CCDC85C: variants seen among roughly 807,000 people sequenced by gnomAD.
CCDC85C encodes the protein coiled-coil domain-containing protein 85C.
A neutral mutation model predicts 38.3 loss-of-function variants in CCDC85C; 18 were observed. The observed-to-expected ratio is 0.47, with a 90% CI of 0.33 to 0.70. The LOEUF (loss-of-function observed/expected upper bound fraction) is 0.70. Among genes scored for constraint, CCDC85C ranks in the 30% least tolerant of loss-of-function variants. The pLI is 0.03. For synonymous variants in CCDC85C, 264 were observed against 293.8 expected (o/e 0.90, Z 1.04); for missense variants, 566 against 621.2 (o/e 0.91, Z 0.94).
At chr14:99,528,691 C>T (rs1897436324) in intron 2 of CCDC85C, among the ~76,000 whole-genome samples, 1 of 152,234 alleles carries the variant, frequency 6.6e-6, no homozygotes, top group Non-Finnish European at 1.5e-5. Context: ...CCCTATCTGG[C>T]CCCCTGTTCT....
chr14:99,515,435 CAG>C lies in CCDC85C; in HGVS notation c.1171-102_1171-101del, dbSNP rs1188254350. ...ATCACGGCAGAATCACCCACGTCCT[CAG>C]AGCCATGGGGCCAGGAGGGACACGG... On this transcript the variant is annotated intron_variant, in intron 5 of 5. Coordinates refer to ENST00000380243, the MANE Select transcript of CCDC85C (RefSeq NM_001144995.2). 1.4e-5 allele frequency: 12 copies of C among 841,172 alleles called. No homozygotes were observed. In the Admixed American group the frequency reaches 2.4e-4, roughly 17 times the overall value. The allele number at this position is 841,172 out of a possible 1,614,324, so 52.1% of individuals were successfully genotyped here.
chr14:99,563,426 C>T (rs574347201), intron 1 of CCDC85C, among the ~76,000 whole-genome samples: 1 of 152,402 alleles, frequency 6.6e-6, no homozygotes, highest in South Asian at 2.1e-4. Flanking sequence ...GCCCAAGCCA[C>T]GCCCCCCTCA....
intron 1 of CCDC85C, among the ~76,000 whole-genome samples, chr14:99,573,869 C>T (rs991159039): frequency 6.6e-6 from 1 of 152,192 alleles, no homozygotes; most frequent in Non-Finnish European, 1.5e-5. Flanking sequence ...TCTGGGCCGC[C>T]GAGCACTCCA....
At chr14:99,583,196 A>G (rs2054991978) in intron 1 of CCDC85C, 1 of 152,246 alleles carries the variant, frequency 6.6e-6, no homozygotes, top group African/African-American at 2.4e-5. Flanking sequence ...TCTAAAAAAC[A>G]AAGTTTATTT....
intron 1 of CCDC85C, among the ~76,000 whole-genome samples, chr14:99,580,820 G>A (rs1318705115): frequency 1.3e-5 from 2 of 152,098 alleles, no homozygotes; most frequent in African/African-American, 4.8e-5. Flanking sequence ...AGCCAAGATC[G>A]CGCGACTGCA....
intron 1 of CCDC85C, among the ~76,000 whole-genome samples, chr14:99,554,727 G>A (rs1349193430): frequency 3.9e-5 from 6 of 152,322 alleles, no homozygotes; most frequent in East Asian, 1.9e-4. Context: ...AAAAGCCAAC[G>A]GGCATGCCTG....
chr14:99,532,936 C>A (rs904267433), intron 2 of CCDC85C, among the ~76,000 whole-genome samples: 4 of 152,082 alleles, frequency 2.6e-5, no homozygotes, highest in African/African-American at 9.7e-5. Context: ...CACGTGCCAC[C>A]CTGCAAGGCT....
chr14:99,580,334 G>A (rs960039744), intron 1 of CCDC85C, among the ~76,000 whole-genome samples: 19 of 151,570 alleles, frequency 1.3e-4, no homozygotes, highest in African/African-American at 4.1e-4. Flanking sequence ...CCAGACAGAA[G>A]AGCACACCTC....
In CCDC85C at chr14:99,520,729, C is replaced by A. The variant is rs1486306985; in HGVS notation, c.975+1404G>T. On this transcript the variant is annotated intron_variant, in intron 3 of 5. Transcript: ENST00000380243. The surrounding 1 kb of genome is among the most constrained non-coding windows in gnomAD (Gnocchi z 4.1). ...CTGACCTCTAGGCACACACAGGCAC[C>A]AGGACGCACTCACCATGGGGCCCTG... Among the ~76,000 whole-genome samples the A allele has an allele frequency of 6.6e-6, 1 of 152,198 alleles. No homozygotes were observed. The highest frequency in any genetic ancestry group is 1.5e-5 in the Non-Finnish European group (1 of 68,028).
intron 1 of CCDC85C, among the ~76,000 whole-genome samples, chr14:99,542,502 A>G (rs1351530236): frequency 2.6e-5 from 4 of 152,172 alleles, no homozygotes; most frequent in African/African-American, 4.8e-5. Context: ...GAGGCAGGTG[A>G]CCAGGCCCCC....
In CCDC85C at chr14:99,510,844, T is replaced by C. The variant is rs1897113445; in HGVS notation, c.*4402A>G. On this transcript the variant is annotated 3_prime_UTR_variant, in exon 6 of 6. Transcript: ENST00000380243. ...ATTTTCTAATCGACTTGCAGAGTAG[T>C]TGAAGTGGGTAAGCAGCAGGGTACC... The C allele has an allele frequency of 7.5e-7, 1 of 1,324,718 alleles. No homozygotes were observed. The highest frequency in any genetic ancestry group is 9.8e-7 in the Non-Finnish European group (1 of 1,019,640). 82.1% of individuals were successfully genotyped at this position (1,324,718 alleles called of 1,614,324 possible).
rs78952139 is a variant in CCDC85C, at chr14:99,527,831, G to A, written c.868-5591C>T. On this transcript the variant is annotated intron_variant, in intron 2 of 5. Coordinates refer to ENST00000380243, the MANE Select transcript of CCDC85C (RefSeq NM_001144995.2). ...AGACTTGCAAGCCTCTTCTCCCTCC[G>A]TGCACTGCAGGTGTCTCACTTCAAA... Among the ~76,000 whole-genome samples, 314 of 152,210 alleles carry A rather than the reference G, an allele frequency of 2.1e-3. 2 individuals are homozygous for A. The highest frequency in any genetic ancestry group is 6.4e-3 in the African/African-American group (266 of 41,528).
In CCDC85C at chr14:99,501,472, G is replaced by T; in HGVS notation, c.*13774C>A. Reference sequence around the variant, plus strand: ...TTTTAAAATAGGCAGAGACTTTATGGACCATTTCATCTAAACCCCTCATTT... The same window carrying T: ...TTTTAAAATAGGCAGAGACTTTATGTACCATTTCATCTAAACCCCTCATTT... On this transcript the variant is annotated 3_prime_UTR_variant, in exon 6 of 6. Coordinates refer to ENST00000380243, the MANE Select transcript of CCDC85C (RefSeq NM_001144995.2). 1.7e-6 allele frequency: 2 copies of T among 1,150,082 alleles called. No homozygotes were observed. The highest frequency in any genetic ancestry group is 1.2e-5 in the South Asian group (1 of 80,228). The allele number at this position is 1,150,082 out of a possible 1,614,324, so 71.2% of individuals were successfully genotyped here. A position where few individuals can be genotyped will look rare whatever the true frequency, so the allele number is the denominator to read the frequency against.
intron 1 of CCDC85C, among the ~76,000 whole-genome samples, chr14:99,539,469 C>CAAAA (rs5810957): frequency 3.7e-5 from 4 of 108,484 alleles, no homozygotes; most frequent in Non-Finnish European, 7.4e-5. Context: ...GACTCCATCT[C>CAAAA]AAAAAAAAAA....
Position 99,534,887 on chromosome 14 carries a change from G to A in CCDC85C, c.867+1128C>T, listed in dbSNP as rs909163438. The A allele has an allele frequency of 6.6e-6, 4 of 606,994 alleles. No individual in the cohort carries two copies. In the African/African-American group the frequency reaches 7.4e-5, roughly 11 times the overall value. 37.6% of individuals were successfully genotyped at this position (606,994 alleles called of 1,614,324 possible). A position where few individuals can be genotyped will look rare whatever the true frequency, so the allele number is the denominator to read the frequency against. On this transcript the variant is annotated intron_variant, in intron 2 of 5. Transcript: ENST00000380243. ...CAGCCTTGCCATTCAGAGCTTGGCT[G>A]TGCACTTGCGCCTGTATGGTGGTGG...
intron 2 of CCDC85C, among the ~76,000 whole-genome samples, chr14:99,534,116 G>A (rs907707717): frequency 6.6e-5 from 10 of 152,182 alleles, no homozygotes; most frequent in Admixed American, 2.0e-4. Flanking sequence ...AGCACTTTGG[G>A]AGCCTGATGT....
At position 99,512,365 on chromosome 14, in the gene CCDC85C, C is replaced by CTT. The variant is rs1386701826; in HGVS notation, c.*2879_*2880dup. 1 of 151,688 alleles carries CTT rather than the reference C, an allele frequency of 6.6e-6. No homozygotes were observed. Among genetic ancestry groups the CTT allele is most frequent in the Non-Finnish European group, 1.5e-5 (1 of 68,014 alleles). 9.4% of individuals were successfully genotyped at this position (151,688 alleles called of 1,614,324 possible). On this transcript the variant is annotated 3_prime_UTR_variant, in exon 6 of 6. Transcript: ENST00000380243. ...CCATCTCCAAAAAGCAGCACAAATA[C>CTT]TTTGCCCCACAGTATGAAAAATATA...
Position 99,603,687 on chromosome 14 carries a change from G to C in CCDC85C, c.273C>G (p.Leu91=). The C allele has an allele frequency of 2.0e-6, 3 of 1,500,014 alleles. No homozygotes were observed. Among genetic ancestry groups the C allele is most frequent in the Non-Finnish European group, 2.7e-6 (3 of 1,126,988 alleles). 92.9% of individuals were successfully genotyped at this position (1,500,014 alleles called of 1,614,324 possible). Residue 91 remains leucine, a synonymous_variant, in exon 1 of 6, where the codon CTC becomes CTG. Coordinates refer to ENST00000380243, the MANE Select transcript of CCDC85C (RefSeq NM_001144995.2). This position sits in a 1 kb window ranked among gnomAD's most constrained non-coding sequence, Gnocchi z 7.5. ...TGCGCCCCTTCTGCCGGTCGTCGTC[G>C]AGGAAGCAGCAGAGCTCGCGCAGCT... The part of the protein sequence containing the change: ...NQELRELCCF[L]DDDRQKGRKL...
chr14:99,537,587 G>C (rs1046555735), intron 1 of CCDC85C, among the ~76,000 whole-genome samples: 2 of 152,080 alleles, frequency 1.3e-5, no homozygotes, highest in Non-Finnish European at 2.9e-5. Flanking sequence ...GCGCAAACCA[G>C]CCTCCCCTCC....
Sources: allele counts gnomAD v4.1 joint callset (sites outside exome capture counted in the v4.1 genomes callset), GRCh38; gene constraint gnomAD v4.1.1; non-coding constraint Gnocchi (gnomAD v3.1); transcripts MANE v1.5; gene names NCBI Gene and HGNC (gene_info 2026-07-23, HGNC 2026-07-21).